The following MMP16 variants were observed in gnomAD, a reference collection of about 807,000 sequenced individuals.
MMP16 encodes the protein matrix metallopeptidase 16.
Under a neutral mutation model 67.8 loss-of-function variants are expected in MMP16, and 12 were observed. The observed-to-expected ratio is 0.18, with a 90% CI of 0.11 to 0.29. The LOEUF (loss-of-function observed/expected upper bound fraction) is 0.29, where lower values mean the gene tolerates loss of function less well. Among genes scored for constraint, MMP16 ranks in the 10% least tolerant of loss-of-function variants. The pLI, the probability that MMP16 is intolerant of heterozygous loss-of-function variation, is 1.00. For missense variants in MMP16, 475 were observed against 765.7 expected, an observed-to-expected ratio of 0.62 and a Z score of 4.48; for synonymous variants, 249 against 255.9, an observed-to-expected ratio of 0.97 and a Z score of 0.26.
chr8:88,043,680 C>T (rs896386451), intron 9 of MMP16, among the ~76,000 whole-genome samples: 5 of 152,142 alleles, frequency 3.3e-5, no homozygotes, highest in Admixed American at 1.3e-4. Context: ...CTGTTCAATG[C>T]CATGAACACC....
At chr8:88,064,374 T>C (rs547653701) in intron 7 of MMP16, among the ~76,000 whole-genome samples, 17 of 152,250 alleles carry the variant, frequency 1.1e-4, no homozygotes, top group Admixed American at 3.3e-4. Flanking sequence ...AAAACATTTT[T>C]ATAAATAATC....
chr8:88,280,432 A>T (rs146693556), intron 1 of MMP16, among the ~76,000 whole-genome samples: 1,767 of 152,330 alleles, frequency 0.012, 34 homozygotes, highest in African/African-American at 0.04. Flanking sequence ...AAAAAAAATA[A>T]CAGAAGATTC....
chr8:88,212,754 C>T (rs1264439230), intron 1 of MMP16, among the ~76,000 whole-genome samples: 3 of 151,966 alleles, frequency 2.0e-5, no homozygotes, highest in African/African-American at 7.2e-5. Flanking sequence ...TTATATAATC[C>T]TAAAGAAGAA....
chr8:88,053,417 T>C (rs1050932281), intron 8 of MMP16, among the ~76,000 whole-genome samples: 4 of 152,348 alleles, frequency 2.6e-5, no homozygotes, highest in Admixed American at 6.5e-5. Flanking sequence ...AACTTGGATA[T>C]ACTGCTTTAC....
chr8:88,066,401 AC>A (rs1263679059), intron 7 of MMP16, among the ~76,000 whole-genome samples: 2 of 152,150 alleles, frequency 1.3e-5, no homozygotes, highest in Admixed American at 6.6e-5. Flanking sequence ...GGAAAAAAAA[AC>A]ATATTACTTC....
chr8:88,171,920 G>A (rs1305609957), intron 3 of MMP16, among the ~76,000 whole-genome samples: 3 of 151,432 alleles, frequency 2.0e-5, no homozygotes, highest in Admixed American at 2.0e-4. Flanking sequence ...TCCACCTCCT[G>A]GGTTCCAGCA....
chr8:88,160,226 G>T (rs907570816), intron 4 of MMP16, among the ~76,000 whole-genome samples: 50 of 151,860 alleles, frequency 3.3e-4, no homozygotes, highest in African/African-American at 1.1e-3. Context: ...GCGGTGTTTG[G>T]TTTTTTGTCC....
chr8:88,197,370 T>C (rs1041749602), intron 1 of MMP16, 64 bp from the exon 2 acceptor site: 81 of 1,371,238 alleles, frequency 5.9e-5, no homozygotes, highest in Admixed American at 2.5e-4. Flanking sequence ...TTTCTGGTAA[T>C]TAATGTATAT....
At position 88,042,797 on chromosome 8, in the gene MMP16, A is replaced by T. The variant is rs28988874; in HGVS notation, c.1490-1002T>A. On this transcript the variant is annotated intron_variant, in intron 9 of 9. Transcript: ENST00000286614. Reference sequence around the variant, plus strand: ...AAATATGGACATTTTTCTTAGGTCTATTCTCCAAATTTTATGTTTTTGTTG... The same window carrying T: ...AAATATGGACATTTTTCTTAGGTCTTTTCTCCAAATTTTATGTTTTTGTTG... Among the ~76,000 whole-genome samples, 17 of 152,216 alleles carry T rather than the reference A, an allele frequency of 1.1e-4. No individual in the cohort carries two copies. The East Asian group carries it at 2.5e-3, about 22-fold the overall frequency.
intron 1 of MMP16, among the ~76,000 whole-genome samples, chr8:88,253,224 T>G (rs1287291345): frequency 6.6e-6 from 1 of 152,216 alleles, no homozygotes; most frequent in African/African-American, 2.4e-5. Flanking sequence ...CTTCCATACA[T>G]ATTTTCTCAT....
In MMP16 at chr8:88,256,583, C is replaced by T. The variant is rs28485870; in HGVS notation, c.133-59277G>A. Among the ~76,000 whole-genome samples, 422 of 152,170 alleles carry T rather than the reference C, an allele frequency of 2.8e-3. 1 individual carries two copies. The highest frequency in any genetic ancestry group is 9.7e-3 in the African/African-American group (404 of 41,542). On this transcript the variant is annotated intron_variant, in intron 1 of 9. Transcript: ENST00000286614. ...TTTTTCTGAGAAGAAAGACAAACTA[C>T]TGAAGGATGCATATTTATTTTGTCA...
intron 4 of MMP16, among the ~76,000 whole-genome samples, chr8:88,136,555 C>T (rs948677415): frequency 5.3e-5 from 8 of 151,302 alleles, no homozygotes; most frequent in African/African-American, 9.7e-5. Context: ...CCCAAAGGAA[C>T]GGTTATCAGA....
chr8:88,318,361 C>T (rs7823185), intron 1 of MMP16, among the ~76,000 whole-genome samples: 10,041 of 152,228 alleles, frequency 0.066, 357 homozygotes, highest in South Asian at 0.11. Flanking sequence ...CTGAGTATCA[C>T]ATAATCAATC....
At chr8:88,172,257 T>A (rs1460989424) in intron 3 of MMP16, among the ~76,000 whole-genome samples, 1 of 152,206 alleles carries the variant, frequency 6.6e-6, no homozygotes, top group Non-Finnish European at 1.5e-5. Flanking sequence ...TTTAGATGAT[T>A]AAAATTACTA....
intron 1 of MMP16, among the ~76,000 whole-genome samples, chr8:88,210,177 CT>C (rs2129815739): frequency 6.6e-6 from 1 of 152,266 alleles, no homozygotes; most frequent in South Asian, 2.1e-4. Context: ...GTCTACGACA[CT>C]TTTTTATAGC....
In MMP16 at chr8:88,192,031, G is replaced by C. The variant is rs538966153; in HGVS notation, c.281+5127C>G. 2.0e-3 allele frequency among the ~76,000 whole-genome samples: 304 copies of C among 152,228 alleles called. 10 individuals are homozygous for C. In the South Asian group the frequency reaches 0.059, roughly 30 times the overall value. On this transcript the variant is annotated intron_variant, in intron 2 of 9. Coordinates refer to ENST00000286614, the MANE Select transcript of MMP16 (RefSeq NM_005941.5). ...TTCACCAGGATAATATGTTAAACAA[G>C]TTTCCATTCTCCATACTTTCACAAG...
At chr8:88,097,023 T>C (rs1278117149) in intron 6 of MMP16, among the ~76,000 whole-genome samples, 1 of 151,894 alleles carries the variant, frequency 6.6e-6, no homozygotes, top group African/African-American at 2.4e-5. Flanking sequence ...TTTTCCACTG[T>C]AGGTTTTAGT....
intron 7 of MMP16, among the ~76,000 whole-genome samples, chr8:88,057,471 G>A (rs552728386): frequency 6.6e-6 from 1 of 152,156 alleles, no homozygotes; most frequent in South Asian, 2.1e-4. Context: ...TGGGGCTTCT[G>A]AAACATTCTA....
chr8:88,099,058 G>A (rs531806261), intron 6 of MMP16, among the ~76,000 whole-genome samples: 1 of 151,258 alleles, frequency 6.6e-6, no homozygotes, highest in Admixed American at 6.6e-5. Context: ...ATATGTATAA[G>A]GAATTATTTT....
Sources: allele counts gnomAD v4.1 joint callset (sites outside exome capture counted in the v4.1 genomes callset), GRCh38; gene constraint gnomAD v4.1.1; transcripts MANE v1.5; gene names NCBI Gene and HGNC (gene_info 2026-07-23, HGNC 2026-07-21).